The following RB1 variants were observed in gnomAD, a reference collection of about 807,000 sequenced individuals.
RB1 encodes the protein RB transcriptional corepressor 1.
RB1 carries 18 observed loss-of-function variants against 135.4 expected under a neutral mutation model. The observed-to-expected ratio is 0.13, with a 90% CI of 0.09 to 0.20. The LOEUF (loss-of-function observed/expected upper bound fraction) is 0.20, where lower values mean the gene tolerates loss of function less well. RB1 is among the 10% of genes least tolerant of loss of function. RB1 has a pLI of 1.00. For synonymous variants in RB1, 365 were observed against 373.2 expected, an observed-to-expected ratio of 0.98 and a Z score of 0.25; for missense variants, 868 against 1,110.0, an observed-to-expected ratio of 0.78 and a Z score of 3.10.
chr13:48,338,386 T>C (rs904609557), intron 2 of RB1, among the ~76,000 whole-genome samples: 1 of 152,232 alleles, frequency 6.6e-6, no homozygotes, highest in Non-Finnish European at 1.5e-5. Flanking sequence ...TTCTTTTTAC[T>C]CTTTTTTCTC....
intron 2 of RB1, among the ~76,000 whole-genome samples, chr13:48,312,002 T>G (rs573532747): frequency 6.6e-6 from 1 of 152,280 alleles, no homozygotes; most frequent in African/African-American, 2.4e-5. Flanking sequence ...TGCCTGGCCT[T>G]TATTAGTGTA....
intron 2 of RB1, among the ~76,000 whole-genome samples, chr13:48,308,952 A>G (rs76374903): frequency 0.022 from 3,304 of 152,060 alleles, 100 homozygotes; most frequent in African/African-American, 0.075. Context: ...GTTTTTTTGT[A>G]ATATAGTTTC....
At chr13:48,463,601 C>T in intron 20 of RB1, 130 bp from the exon 21 acceptor site, 2 of 662,448 alleles carry the variant, frequency 3.0e-6, no homozygotes, top group Non-Finnish European at 5.4e-6. Flanking sequence ...AAACTGAGCT[C>T]AGTATGGAAA....
At chr13:48,324,434 T>TC (rs1434035511) in intron 2 of RB1, among the ~76,000 whole-genome samples, 2 of 151,828 alleles carry the variant, frequency 1.3e-5, no homozygotes, top group Non-Finnish European at 2.9e-5. Flanking sequence ...GTTCAATATT[T>TC]TTTTTTTTTT....
At chr13:48,389,978 C>A (rs1171998938) in intron 17 of RB1, among the ~76,000 whole-genome samples, 1 of 152,082 alleles carries the variant, frequency 6.6e-6, no homozygotes, top group East Asian at 1.9e-4. Context: ...CATAGGGAGA[C>A]CCTGTCTCTA....
At chr13:48,307,219 T>G (rs1489569015) in intron 1 of RB1, 61 bp from the exon 2 acceptor site, 1 of 1,377,882 alleles carries the variant, frequency 7.3e-7, no homozygotes, top group African/African-American at 1.4e-5. Flanking sequence ...GAAACAAGTA[T>G]GTACTGAATC....
chr13:48,401,504 C>T (rs986167187), intron 17 of RB1: 9 of 152,140 alleles, frequency 5.9e-5, no homozygotes, highest in African/African-American at 2.2e-4. Flanking sequence ...AGCTTACTTA[C>T]CTTTAATTAT....
At chr13:48,354,225 T>C (rs1334641496) in intron 6 of RB1, among the ~76,000 whole-genome samples, 1 of 152,142 alleles carries the variant, frequency 6.6e-6, no homozygotes, top group African/African-American at 2.4e-5. Context: ...CTAATAAACA[T>C]GTTCAGTAAA....
At position 48,380,154 on chromosome 13, in the gene RB1, T is replaced by C; in HGVS notation, c.1422-11T>C. ...AGTAAGTATTTTATAATCTTTTTTT[T>C]TTTCCTTTAGCAAACTTCTGAATGA... On this transcript the variant is annotated splice_polypyrimidine_tract_variant and intron_variant, in intron 15 of 26. Coordinates refer to ENST00000267163, the MANE Select transcript of RB1 (RefSeq NM_000321.3). The C allele has an allele frequency of 6.4e-7, 1 of 1,552,004 alleles. No individual in the cohort carries two copies. Among genetic ancestry groups the C allele is most frequent in the Non-Finnish European group, 8.7e-7 (1 of 1,148,252 alleles).
intron 2 of RB1, among the ~76,000 whole-genome samples, chr13:48,312,221 T>C (rs977834670): frequency 6.6e-6 from 1 of 152,224 alleles, no homozygotes; most frequent in Non-Finnish European, 1.5e-5. Flanking sequence ...TATTTCTTTT[T>C]TATATTTAAA....
intron 6 of RB1, among the ~76,000 whole-genome samples, chr13:48,349,984 G>C (rs975064062): frequency 5.3e-5 from 8 of 152,054 alleles, no homozygotes; most frequent in African/African-American, 1.9e-4. Flanking sequence ...TTCAGCAAGA[G>C]GATATAACAG....
intron 3 of RB1, among the ~76,000 whole-genome samples, chr13:48,344,461 C>T (rs945201383): frequency 8.6e-5 from 13 of 151,898 alleles, no homozygotes; most frequent in Admixed American, 7.9e-4. Flanking sequence ...TGCAGGCAGC[C>T]GGTGCACAAG....
intron 2 of RB1, among the ~76,000 whole-genome samples, chr13:48,309,783 CT>C: frequency 6.6e-6 from 1 of 152,280 alleles, no homozygotes; most frequent in South Asian, 2.1e-4. Flanking sequence ...GTTCACATAA[CT>C]TATTTTTTTT....
rs116183893 is a variant in RB1 at position 48,416,420 on chromosome 13, G to A, written c.1695+34977G>A. The A allele has an allele frequency of 8.3e-3, 1,267 of 152,364 alleles. 15 individuals are homozygous for A. Among genetic ancestry groups the A allele is most frequent in the African/African-American group, 0.029 (1,202 of 41,556 alleles). 9.4% of individuals were successfully genotyped at this position (152,364 alleles called of 1,614,324 possible). On this transcript the variant is annotated intron_variant, in intron 17 of 26. Transcript: ENST00000267163. ...CCGGCCCAGACTCTATGCCTTTTCC[G>A]TGATCTTCACAACCCTTAGACCAGG... is the stretch of plus-strand genomic sequence containing the variant.
chr13:48,466,159 TCTGA>T (rs1370612453), intron 23 of RB1, among the ~76,000 whole-genome samples: 2 of 142,402 alleles, frequency 1.4e-5, no homozygotes, highest in African/African-American at 5.1e-5. Flanking sequence ...AGTGTCCCTG[TCTGA>T]CAGCTTTGAA....
chr13:48,451,912 T>C (rs554308373), intron 17 of RB1, among the ~76,000 whole-genome samples: 2 of 152,138 alleles, frequency 1.3e-5, no homozygotes, highest in African/African-American at 4.8e-5. Context: ...GAGGTGTTTA[T>C]AGTATTTTCT....
In RB1 at chr13:48,480,065, G is replaced by A. The variant is rs756634613; in HGVS notation, c.2781G>A (p.Glu927=). ...GCATGGATACCTCAAACAAGGAAGA[G>A]AAATGAGGATCTCAGGACCTTGGTG... ...NDSMDTSNKE[E]K The change falls in exon 27 of 27, where the codon GAG becomes GAA. Residue 927 remains glutamate (E), a synonymous_variant. Coordinates refer to ENST00000267163, the MANE Select transcript of RB1 (RefSeq NM_000321.3). The A allele has an allele frequency of 6.2e-7, 1 of 1,611,724 alleles. No individual in the cohort carries two copies. The highest frequency in any genetic ancestry group is 8.5e-7 in the Non-Finnish European group (1 of 1,178,222).
At chr13:48,441,174 G>C (rs1949232800) in intron 17 of RB1, among the ~76,000 whole-genome samples, 1 of 152,188 alleles carries the variant, frequency 6.6e-6, no homozygotes, top group South Asian at 2.1e-4. Context: ...ATATCTGGCG[G>C]AGGCCTGTTT....
intron 2 of RB1, among the ~76,000 whole-genome samples, chr13:48,312,845 A>G (rs1347578387): frequency 1.3e-5 from 2 of 151,746 alleles, no homozygotes; most frequent in Non-Finnish European, 2.9e-5. Context: ...TCTCCATCCA[A>G]TCCATCCTGT....
Sources: allele counts gnomAD v4.1 joint callset (sites outside exome capture counted in the v4.1 genomes callset), GRCh38; gene constraint gnomAD v4.1.1; transcripts MANE v1.5; gene names NCBI Gene and HGNC (gene_info 2026-07-23, HGNC 2026-07-21).